The following GRID2 variants were observed in gnomAD, a reference collection of about 807,000 sequenced individuals.
GRID2 encodes the protein glutamate ionotropic receptor delta type subunit 2.
In GRID2, 33 loss-of-function variants were observed where a neutral mutation model predicts 114.8. The observed-to-expected ratio is 0.29, with a 90% confidence interval of 0.22 to 0.38. GRID2 has a LOEUF of 0.38. Among genes scored for constraint, GRID2 ranks in the 10% least tolerant of loss-of-function variants. GRID2 has a pLI of 1.00. For missense variants in GRID2, 1,184 were observed against 1,257.7 expected (o/e 0.94, Z 0.89); for synonymous variants, 505 against 449.9 (o/e 1.12, Z -1.55).
At chr4:93,683,579 G>A (rs76831423) in intron 14 of GRID2, among the ~76,000 whole-genome samples, 1 of 151,950 alleles carries the variant, frequency 6.6e-6, no homozygotes, top group African/African-American at 2.4e-5. Context: ...TTTTTATTTT[G>A]TTTAGCTAAA....
chr4:92,409,012 T>C (rs1731168305), intron 1 of GRID2, among the ~76,000 whole-genome samples: 1 of 152,124 alleles, frequency 6.6e-6, no homozygotes, highest in Non-Finnish European at 1.5e-5. Flanking sequence ...CTATGTTAAA[T>C]AGGAGTGGTG....
intron 8 of GRID2, among the ~76,000 whole-genome samples, chr4:93,365,378 G>A (rs1762243958): frequency 6.6e-6 from 1 of 152,166 alleles, no homozygotes; most frequent in Admixed American, 6.5e-5. Context: ...AAATAGATAT[G>A]TTCAGCATTT....
chr4:93,447,758 C>T (rs1905729), intron 10 of GRID2, among the ~76,000 whole-genome samples: 70,085 of 151,638 alleles, frequency 0.46, 17,455 homozygotes, highest in East Asian at 0.7. Context: ...ATAAAAGTTA[C>T]CCAATTAATT....
At chr4:93,364,579 C>T (rs532231679) in intron 8 of GRID2, among the ~76,000 whole-genome samples, 14 of 152,206 alleles carry the variant, frequency 9.2e-5, no homozygotes, top group South Asian at 4.1e-4. Context: ...TCAAGCAATC[C>T]TCCCACCTCA....
intron 1 of GRID2, among the ~76,000 whole-genome samples, chr4:92,524,407 C>CT (rs869060153): frequency 0.07 from 7,381 of 105,920 alleles, 952 homozygotes; most frequent in African/African-American, 0.24. Flanking sequence ...ATTTCCTTGT[C>CT]TTTTTTTTTT....
intron 8 of GRID2, among the ~76,000 whole-genome samples, chr4:93,324,850 G>A (rs1362074214): frequency 6.6e-6 from 1 of 152,084 alleles, no homozygotes; most frequent in Non-Finnish European, 1.5e-5. Context: ...TTCTCTGGTG[G>A]TAGTTTGTAT....
rs560141423 is a variant in GRID2 at position 93,006,845 on chromosome 4, A to G, written c.245-78150A>G. 1.4e-3 allele frequency among the ~76,000 whole-genome samples: 208 copies of G among 152,036 alleles called. 1 individual carries two copies. Among genetic ancestry groups the G allele is most frequent in the African/African-American group, 4.8e-3 (200 of 41,536 alleles). On this transcript the variant is annotated intron_variant, in intron 2 of 15. Coordinates refer to ENST00000282020, the MANE Select transcript of GRID2 (RefSeq NM_001510.4). The stretch of plus-strand genomic sequence containing the variant: ...AATTTATAGAAAGAAAAAAAAACAG[A>G]CAGCAAAAATTTTCAACTGATGAAA...
At position 93,392,762 on chromosome 4, in the gene GRID2, T is replaced by C. The variant is rs534800015; in HGVS notation, c.1246-2845T>C. On this transcript the variant is annotated intron_variant, in intron 8 of 15. Coordinates refer to ENST00000282020, the MANE Select transcript of GRID2 (RefSeq NM_001510.4). ...AAATATCTTCCCTTCCTACCTTAAA[T>C]AGATCACATTTATGAAAAAGATTCA... Among the ~76,000 whole-genome samples, 142 of 152,160 alleles carry C rather than the reference T, an allele frequency of 9.3e-4. 1 individual carries two copies. The highest frequency in any genetic ancestry group is 1.6e-3 in the Non-Finnish European group (106 of 67,962).
chr4:93,082,699 G>A (rs1183042545), intron 2 of GRID2, among the ~76,000 whole-genome samples: 4 of 152,068 alleles, frequency 2.6e-5, no homozygotes, highest in African/African-American at 4.8e-5. Context: ...TGATTATTCC[G>A]ATTTTGATTT....
chr4:92,614,075 C>T (rs62307886), intron 2 of GRID2, among the ~76,000 whole-genome samples: 7,111 of 151,272 alleles, frequency 0.047, 208 homozygotes, highest in East Asian at 0.094. Context: ...TATTTGAAAC[C>T]ATATATTATT....
At position 92,384,618 on chromosome 4, in the gene GRID2, A is replaced by ATATAT. The variant is rs1231062898; in HGVS notation, c.88+79880_88+79884dup. ...TATAACATAATATATAATATATGTT[A>ATATAT]TATATTATATATAATATATATTATA... is the stretch of plus-strand genomic sequence containing the variant. On this transcript the variant is annotated intron_variant, in intron 1 of 15. Coordinates refer to ENST00000282020, the MANE Select transcript of GRID2 (RefSeq NM_001510.4). Among the ~76,000 whole-genome samples, 25 of 57,158 alleles carry ATATAT rather than the reference A, an allele frequency of 4.4e-4. 1 individual carries two copies. The highest frequency in any genetic ancestry group is 1.3e-3 in the African/African-American group (22 of 16,724). 37.5% of individuals were successfully genotyped at this position (57,158 alleles called of 152,430 possible).
At position 93,656,857 on chromosome 4, in the gene GRID2, A is replaced by C. The variant is rs13134813; in HGVS notation, c.2360+30422A>C. 8.6e-3 allele frequency among the ~76,000 whole-genome samples: 805 copies of C among 93,740 alleles called. 86 individuals are homozygous for C. Among genetic ancestry groups the C allele is most frequent in the Middle Eastern group, 0.052 (7 of 134 alleles). The allele number at this position is 93,740 out of a possible 152,430, so 61.5% of individuals were successfully genotyped here. ...AAAAAAAAAAAAAAAAAAAAAAAAA[A>C]CAAATAATTCCAGCTGTCATTTCAA... On this transcript the variant is annotated intron_variant, in intron 14 of 15. Coordinates refer to ENST00000282020, the MANE Select transcript of GRID2 (RefSeq NM_001510.4).
intron 2 of GRID2, among the ~76,000 whole-genome samples, chr4:92,991,343 CTT>C (rs1388118272): frequency 6.6e-6 from 1 of 152,082 alleles, no homozygotes; most frequent in Non-Finnish European, 1.5e-5. Flanking sequence ...TTACTGTAGT[CTT>C]TGTTTTTGAA....
At chr4:93,149,607 A>T (rs1281695014) in intron 4 of GRID2, among the ~76,000 whole-genome samples, 1 of 151,450 alleles carries the variant, frequency 6.6e-6, no homozygotes, top group Non-Finnish European at 1.5e-5. Context: ...AACAACCTGG[A>T]TGTTTAGCTT....
At chr4:93,270,120 G>A (rs1388567657) in intron 8 of GRID2, among the ~76,000 whole-genome samples, 1 of 151,684 alleles carries the variant, frequency 6.6e-6, no homozygotes, top group African/African-American at 2.4e-5. Context: ...TGAAGAAGGA[G>A]AAAAAATAGG....
chr4:93,403,510 A>T (rs1766109561), intron 9 of GRID2, among the ~76,000 whole-genome samples: 1 of 152,184 alleles, frequency 6.6e-6, no homozygotes, highest in Non-Finnish European at 1.5e-5. Context: ...CAAAAATATT[A>T]TAACTCAGTA....
chr4:93,521,673 T>C (rs948451996), intron 13 of GRID2, among the ~76,000 whole-genome samples: 5 of 152,062 alleles, frequency 3.3e-5, no homozygotes, highest in African/African-American at 1.2e-4. Context: ...GTGGAGATTA[T>C]GAGACTAGAA....
intron 2 of GRID2, among the ~76,000 whole-genome samples, chr4:92,704,203 G>A (rs1329270573): frequency 2.6e-5 from 4 of 152,214 alleles, no homozygotes; most frequent in East Asian, 1.9e-4. Context: ...GCATGAATCC[G>A]GGAGGCGGAG....
chr4:93,467,687 T>C (rs561957580), intron 11 of GRID2, among the ~76,000 whole-genome samples: 2 of 152,302 alleles, frequency 1.3e-5, no homozygotes, highest in East Asian at 3.9e-4. Context: ...ACCCAAGGAG[T>C]GCTATAATCC....
Sources: gnomAD v4.1 joint callset for allele counts (sites outside exome capture counted in the v4.1 genomes callset) on GRCh38, gnomAD v4.1.1 for gene constraint, MANE v1.5 for transcripts, NCBI Gene and HGNC (gene_info 2026-07-23, HGNC 2026-07-21) for gene names.